Variants in ANGPT4 observed in about 807,000 individuals in gnomAD.
The protein encoded by ANGPT4 is angiopoietin 4, also known as angiopoietin-4.
A neutral mutation model predicts 53.0 loss-of-function variants in ANGPT4; 50 were observed. That is an observed-to-expected ratio of 0.94 (90% confidence interval 0.75 to 1.20). ANGPT4 has a LOEUF of 1.20. Ranked by LOEUF, ANGPT4 falls within the 50% of genes most tolerant of loss-of-function variation. The probability of loss-of-function intolerance (pLI) is 0.00; values close to 1 mark genes in which losing one functional copy is unlikely to be tolerated. For missense variants in ANGPT4, 648 were observed against 637.1 expected, an observed-to-expected ratio of 1.02 and a Z score of -0.18; for synonymous variants, 251 against 259.7, an observed-to-expected ratio of 0.97 and a Z score of 0.32.
intron 1 of ANGPT4, among the ~76,000 whole-genome samples, chr20:894,977 C>T (rs949712379): frequency 8.5e-5 from 13 of 152,116 alleles, no homozygotes; most frequent in Admixed American, 4.6e-4. Flanking sequence ...AGCTGGATCC[C>T]ATCACCCAGT....
intron 2 of ANGPT4, among the ~76,000 whole-genome samples, chr20:888,818 A>G (rs771096943): frequency 2.0e-5 from 3 of 152,002 alleles, no homozygotes; most frequent in Non-Finnish European, 4.4e-5. Context: ...CTTGCAATCT[A>G]TTCTCTACTC....
chr20:890,178 A>G (rs570921014), intron 2 of ANGPT4, 35 bp downstream of exon 2: 3 of 1,600,080 alleles, frequency 1.9e-6, no homozygotes, highest in African/African-American at 2.7e-5. Flanking sequence ...GGCCAGCCAC[A>G]GGCCCTCAGT....
intron 1 of ANGPT4, among the ~76,000 whole-genome samples, chr20:910,616 C>T (rs1264998928): frequency 1.3e-5 from 2 of 152,090 alleles, no homozygotes; most frequent in Non-Finnish European, 2.9e-5. Context: ...ACCTGGGGCC[C>T]GTTTTCTAAC....
In ANGPT4 at chr20:871,523, G is replaced by A. The variant is rs931749042; in HGVS notation, c.*1437C>T. The A allele has an allele frequency of 6.6e-6, 1 of 152,488 alleles. No individual in the cohort carries two copies. Among genetic ancestry groups the A allele is most frequent in the Non-Finnish European group, 1.5e-5 (1 of 68,250 alleles). 9.4% of individuals were successfully genotyped at this position (152,488 alleles called of 1,614,324 possible). On this transcript the variant is annotated 3_prime_UTR_variant, in exon 9 of 9. Transcript: ENST00000381922. ...TCCTTTCTGACTCCATCCTCTGAAAGAAGCTATGAGGGCCCTGGTCTCCCA... is the reference window on the plus strand; with the variant it reads ...TCCTTTCTGACTCCATCCTCTGAAAAAAGCTATGAGGGCCCTGGTCTCCCA...
chr20:904,833 G>T (rs1055180798), intron 1 of ANGPT4, among the ~76,000 whole-genome samples: 4 of 152,116 alleles, frequency 2.6e-5, no homozygotes, highest in African/African-American at 9.7e-5. Context: ...GTCTTGCTTT[G>T]TTGCCTCAGG....
chr20:885,053 A>T, intron 4 of ANGPT4, 25 bp downstream of exon 4: 2 of 1,612,920 alleles, frequency 1.2e-6, no homozygotes, highest in Non-Finnish European at 1.7e-6. Context: ...CTTTAGCCAC[A>T]CTGGGGCGCA....
At chr20:907,247 T>C (rs1049827649) in intron 1 of ANGPT4, among the ~76,000 whole-genome samples, 1 of 152,150 alleles carries the variant, frequency 6.6e-6, no homozygotes, top group Non-Finnish European at 1.5e-5. Flanking sequence ...GGGACTTCCC[T>C]GGCTCCTGAG....
At chr20:890,135 C>A in intron 2 of ANGPT4, 78 bp downstream of exon 2, 1 of 1,537,520 alleles carries the variant, frequency 6.5e-7, no homozygotes, top group Non-Finnish European at 8.8e-7. Flanking sequence ...GGTCAGAGAT[C>A]AAGGTAAGAT....
At position 885,312 on chromosome 20, in the gene ANGPT4, G is replaced by A. The variant is rs1197957829; in HGVS notation, c.601C>T (p.Arg201Trp). The change falls in exon 4 of 9, where the codon CGG (arginine) becomes TGG (tryptophan). Residue 201 changes from arginine to tryptophan, a missense_variant. Transcript: ENST00000381922. Reference sequence around the variant, plus strand: ...TGCTTGGTCTCCAGGGCCTGCAACCGCTTCTCGAGCGCGCTGCGGGGTAGG... The same window carrying A: ...TGCTTGGTCTCCAGGGCCTGCAACCACTTCTCGAGCGCGCTGCGGGGTAGG... ...LQGQNSALEK[R>W]LQALETKQQE... The A allele has an allele frequency of 1.3e-6, 2 of 1,582,444 alleles. No homozygotes were observed. Among genetic ancestry groups the A allele is most frequent in the African/African-American group, 1.3e-5 (1 of 74,572 alleles).
intron 1 of ANGPT4, among the ~76,000 whole-genome samples, chr20:907,976 A>G (rs1014879281): frequency 6.6e-6 from 1 of 152,170 alleles, no homozygotes; most frequent in Admixed American, 6.5e-5. Context: ...AGGCCCACAA[A>G]GGCCGAGCAT....
At chr20:894,984 C>T (rs2122822640) in intron 1 of ANGPT4, among the ~76,000 whole-genome samples, 1 of 152,246 alleles carries the variant, frequency 6.6e-6, no homozygotes, top group South Asian at 2.1e-4. Flanking sequence ...TCCCATCACC[C>T]AGTTTGCCAC....
intron 1 of ANGPT4, among the ~76,000 whole-genome samples, chr20:907,777 AACCTC>A (rs893335032): frequency 2.0e-5 from 3 of 152,070 alleles, no homozygotes; most frequent in African/African-American, 7.2e-5. Flanking sequence ...CCCACCCCCC[AACCTC>A]ACCTCAACTT....
intron 1 of ANGPT4, among the ~76,000 whole-genome samples, chr20:909,559 A>T (rs1323234583): frequency 2.0e-5 from 3 of 152,184 alleles, no homozygotes; most frequent in Non-Finnish European, 4.4e-5. Flanking sequence ...TGGAGTCTTG[A>T]CGTTTACTGA....
In ANGPT4 at chr20:908,976, A is replaced by G. The variant is rs1982593406; in HGVS notation, c.309+6930T>C. Among the ~76,000 whole-genome samples, 1 of 152,046 alleles carries G rather than the reference A, an allele frequency of 6.6e-6. No individual in the cohort carries two copies. Among genetic ancestry groups the G allele is most frequent in the Non-Finnish European group, 1.5e-5 (1 of 68,004 alleles). Reference sequence around the variant, plus strand: ...ACCGACCCTTGGGTGAATGTGATTGAGTCACTCCCTTGCCCAGGCTTAGTG... The same window carrying G: ...ACCGACCCTTGGGTGAATGTGATTGGGTCACTCCCTTGCCCAGGCTTAGTG... On this transcript the variant is annotated intron_variant, in intron 1 of 8. Transcript: ENST00000381922. This position sits in a 1 kb window ranked among gnomAD's most constrained non-coding sequence, Gnocchi z 4.9.
At chr20:894,204 G>C (rs1177898454) in intron 1 of ANGPT4, among the ~76,000 whole-genome samples, 1 of 152,124 alleles carries the variant, frequency 6.6e-6, no homozygotes, top group Non-Finnish European at 1.5e-5. Context: ...TCTCTGATTG[G>C]TTGGGTGTGA....
intron 1 of ANGPT4, among the ~76,000 whole-genome samples, chr20:899,742 C>T (rs983080991): frequency 2.0e-5 from 3 of 152,206 alleles, no homozygotes; most frequent in Admixed American, 1.3e-4. Flanking sequence ...CAATACGCCC[C>T]TCCACAACCC....
intron 1 of ANGPT4, among the ~76,000 whole-genome samples, chr20:912,068 G>A (rs910516715): frequency 1.3e-5 from 2 of 152,164 alleles, no homozygotes; most frequent in Non-Finnish European, 1.5e-5. Context: ...TCAGGTGGTG[G>A]GGGTGGGCCA....
At chr20:873,261 C>G in intron 8 of ANGPT4, 141 bp from the exon 9 acceptor site, 1 of 241,050 alleles carries the variant, frequency 4.1e-6, no homozygotes, top group Non-Finnish European at 8.2e-6. Context: ...GGGGATGGGG[C>G]TGGGTGGGAG....
chr20:881,963 T>A (rs1981426992), intron 4 of ANGPT4, among the ~76,000 whole-genome samples: 1 of 151,990 alleles, frequency 6.6e-6, no homozygotes, highest in African/African-American at 2.4e-5. Context: ...GGCCCAAGAG[T>A]GAGGCAACTG....
Sources: allele counts gnomAD v4.1 joint callset (sites outside exome capture counted in the v4.1 genomes callset), GRCh38; gene constraint gnomAD v4.1.1; non-coding constraint Gnocchi (gnomAD v3.1); transcripts MANE v1.5; gene names NCBI Gene and HGNC (gene_info 2026-07-23, HGNC 2026-07-21).